ZNF777: variants seen among roughly 807,000 people sequenced by gnomAD.
ZNF777 encodes the protein zinc finger protein 777.
Under a neutral mutation model 72.1 loss-of-function variants are expected in ZNF777, and 7 were observed. The observed-to-expected ratio is 0.10, with a 90% CI of 0.06 to 0.18. ZNF777 has a LOEUF of 0.18. Ranked by LOEUF, ZNF777 falls within the 10% of genes least tolerant of loss-of-function variation. The pLI, the probability that ZNF777 is intolerant of heterozygous loss-of-function variation, is 1.00. For missense variants in ZNF777, 828 were observed against 1,128.6 expected (o/e 0.73, Z 3.82); for synonymous variants, 545 against 483.5 (o/e 1.13, Z -1.67).
chr7:149,448,597 A>G (rs886559767), intron 4 of ZNF777, among the ~76,000 whole-genome samples: 1 of 144,072 alleles, frequency 6.9e-6, no homozygotes, highest in Non-Finnish European at 1.5e-5. Flanking sequence ...ATATATATAT[A>G]TATATATATA....
intron 4 of ZNF777, among the ~76,000 whole-genome samples, chr7:149,444,022 T>C (rs1011822287): frequency 6.6e-6 from 1 of 152,236 alleles, no homozygotes; most frequent in Non-Finnish European, 1.5e-5. Context: ...AACACACTTA[T>C]ATTGCTACTC....
chr7:149,438,011 C>T (rs1431886604), intron 4 of ZNF777, among the ~76,000 whole-genome samples: 1 of 152,014 alleles, frequency 6.6e-6, no homozygotes, highest in Non-Finnish European at 1.5e-5. Context: ...TCCCGAGCAG[C>T]TGGGATTACA....
chr7:149,445,697 G>A (rs1799589334), intron 4 of ZNF777, among the ~76,000 whole-genome samples: 1 of 152,142 alleles, frequency 6.6e-6, no homozygotes, highest in African/African-American at 2.4e-5. Context: ...CCTCAACTGT[G>A]CCTGGTGCCC....
At position 149,432,574 on chromosome 7, in the gene ZNF777, G is replaced by T; in HGVS notation, c.1698C>A (p.Arg566=). 6.2e-7 allele frequency: 1 copy of T among 1,613,832 alleles called. No homozygotes were observed. The highest frequency in any genetic ancestry group is 8.5e-7 in the Non-Finnish European group (1 of 1,179,840). The change falls in exon 6 of 6, where the codon CGC becomes CGA. Residue 566 remains arginine, a synonymous_variant. Coordinates refer to ENST00000247930, the MANE Select transcript of ZNF777 (RefSeq NM_015694.3). The part of the protein sequence containing the change: ...RLKINLIIHQ[R]NHIKEGPYEC... ...CGTAGGGCCCCTCCTTGATGTGGTT[G>T]CGCTGGTGGATGATGAGGTTGATCT... is the stretch of plus-strand genomic sequence containing the variant.
intron 4 of ZNF777, among the ~76,000 whole-genome samples, chr7:149,444,424 C>A (rs964666953): frequency 6.6e-6 from 1 of 152,158 alleles, no homozygotes; most frequent in African/African-American, 2.4e-5. Context: ...GGAGGTGCCC[C>A]ACTCGACTGG....
At chr7:149,448,577 A>AGTT (rs1295944994) in intron 4 of ZNF777, among the ~76,000 whole-genome samples, 10 of 58,914 alleles carry the variant, frequency 1.7e-4, no homozygotes, top group Non-Finnish European at 2.3e-4. Flanking sequence ...TTATACATAT[A>AGTT]ACTATATATA....
At position 149,455,414 on chromosome 7, in the gene ZNF777, G is replaced by A. The variant is rs964757629; in HGVS notation, c.609C>T (p.Ala203=). 7.4e-6 allele frequency: 12 copies of A among 1,614,080 alleles called. No individual in the cohort carries two copies. Among genetic ancestry groups the A allele is most frequent in the Non-Finnish European group, 1.0e-5 (12 of 1,180,052 alleles). The change falls in exon 2 of 6, where the codon GCC becomes GCT. Residue 203 remains alanine, a synonymous_variant. Transcript: ENST00000247930. This position sits in a 1 kb window ranked among gnomAD's most constrained non-coding sequence, Gnocchi z 4.2. Reference sequence around the variant, plus strand: ...TGCCTTCCAGGGTCAGTAGCCTCATGGCCTGGGCCTCCAGCTTCCTCTCCA... The same window carrying A: ...TGCCTTCCAGGGTCAGTAGCCTCATAGCCTGGGCCTCCAGCTTCCTCTCCA... ...QAVERKLEAQ[A]MRLLTLEGRT...
intron 3 of ZNF777, among the ~76,000 whole-genome samples, chr7:149,452,772 T>A (rs575903383): frequency 6.6e-6 from 1 of 152,182 alleles, no homozygotes; most frequent in East Asian, 1.9e-4. Context: ...TGCAGAAATA[T>A]CAACTGGCTC....
chr7:149,459,971 G>A, intron 1 of ZNF777: 1 of 936,650 alleles, frequency 1.1e-6, no homozygotes, highest in Non-Finnish European at 1.3e-6. Context: ...AAGACGCGCG[G>A]GCCCCCTCCA....
intron 1 of ZNF777, among the ~76,000 whole-genome samples, chr7:149,458,763 C>T (rs1381050924): frequency 6.6e-6 from 1 of 152,196 alleles, no homozygotes; most frequent in Non-Finnish European, 1.5e-5. Context: ...GTAAACCTGC[C>T]GCTTATCTTA....
chr7:149,433,815 TG>T (rs1358308882), intron 5 of ZNF777, among the ~76,000 whole-genome samples: 1 of 152,216 alleles, frequency 6.6e-6, no homozygotes, highest in Non-Finnish European at 1.5e-5. Flanking sequence ...TTTATGATAA[TG>T]TAAGTTTTAG....
intron 5 of ZNF777, among the ~76,000 whole-genome samples, chr7:149,434,217 A>T (rs2116568694): frequency 6.6e-6 from 1 of 152,312 alleles, no homozygotes; most frequent in South Asian, 2.1e-4. Flanking sequence ...CTCCTCAAGT[A>T]ACATGGACTG....
At chr7:149,454,686 C>T (rs2116605302) in intron 2 of ZNF777, among the ~76,000 whole-genome samples, 1 of 152,320 alleles carries the variant, frequency 6.6e-6, no homozygotes, top group Non-Finnish European at 1.5e-5. Flanking sequence ...CTTTCAGAAC[C>T]TTCTGGAAAA....
intron 5 of ZNF777, among the ~76,000 whole-genome samples, chr7:149,435,094 G>T (rs1799388294): frequency 6.6e-6 from 1 of 152,154 alleles, no homozygotes; most frequent in Non-Finnish European, 1.5e-5. Flanking sequence ...TCACTATTCT[G>T]TTATGAAAGA....
chr7:149,451,547 C>A (rs188364516), intron 3 of ZNF777, among the ~76,000 whole-genome samples: 1 of 152,110 alleles, frequency 6.6e-6, no homozygotes, highest in African/African-American at 2.4e-5. Context: ...AAAAAATTAG[C>A]CAGGCGTGGT....
intron 4 of ZNF777, among the ~76,000 whole-genome samples, chr7:149,438,813 C>T (rs996161912): frequency 5.3e-5 from 8 of 152,156 alleles, no homozygotes; most frequent in African/African-American, 1.4e-4. Flanking sequence ...TGGATTCCTT[C>T]GGATGCGCGG....
intron 4 of ZNF777, among the ~76,000 whole-genome samples, chr7:149,439,418 G>A (rs946859230): frequency 6.6e-6 from 1 of 152,106 alleles, no homozygotes; most frequent in African/African-American, 2.4e-5. Context: ...AACTGCAAAA[G>A]ATGTAATTTC....
rs1455747557 is a variant in ZNF777, at chr7:149,460,058, G to A, written c.-16+757C>T. 5.1e-6 allele frequency: 5 copies of A among 981,742 alleles called. No homozygotes were observed. Among genetic ancestry groups the A allele is most frequent in the East Asian group, 1.2e-4 (1 of 8,668 alleles). 60.8% of individuals were successfully genotyped at this position (981,742 alleles called of 1,614,324 possible). On this transcript the variant is annotated intron_variant, in intron 1 of 5. Transcript: ENST00000247930. The surrounding 1 kb of genome is among the most constrained non-coding windows in gnomAD (Gnocchi z 6.1). Reference sequence around the variant, plus strand: ...GATCCCAGGCCGGGCCGCCGAGCCCGGGACACGCAGGCCGTCCCCGGGGCC... The same window carrying A: ...GATCCCAGGCCGGGCCGCCGAGCCCAGGACACGCAGGCCGTCCCCGGGGCC...
intron 3 of ZNF777, among the ~76,000 whole-genome samples, chr7:149,453,329 G>C (rs1402868147): frequency 6.6e-6 from 1 of 151,986 alleles, no homozygotes; most frequent in East Asian, 1.9e-4. Context: ...CCTATGGAAA[G>C]GTATGTATAA....
Sources: allele counts gnomAD v4.1 joint callset (sites outside exome capture counted in the v4.1 genomes callset), GRCh38; gene constraint gnomAD v4.1.1; non-coding constraint Gnocchi (gnomAD v3.1); transcripts MANE v1.5; gene names NCBI Gene and HGNC (gene_info 2026-07-23, HGNC 2026-07-21).